Variants in RIPK1 observed in about 807,000 individuals in gnomAD.
The protein encoded by RIPK1 is receptor interacting serine/threonine kinase 1.
RIPK1 carries 27 observed loss-of-function variants against 62.4 expected under a neutral mutation model. That is an observed-to-expected ratio of 0.43 (90% CI 0.32 to 0.60). The LOEUF is 0.60. Among genes scored for constraint, RIPK1 ranks in the 20% least tolerant of loss-of-function variants. The pLI, the probability that RIPK1 is intolerant of heterozygous loss-of-function variation, is 0.07. For synonymous variants in RIPK1, 287 were observed against 303.2 expected (o/e 0.95, Z 0.55); for missense variants, 735 against 831.0 (o/e 0.88, Z 1.42).
Position 3,110,811 on chromosome 6 carries a change from A to G in RIPK1, c.1585A>G (p.Ile529Val), listed in dbSNP as rs374613351. 1.3e-5 allele frequency: 21 copies of G among 1,572,162 alleles called. No homozygotes were observed. The highest frequency in any genetic ancestry group is 1.8e-5 in the Non-Finnish European group (21 of 1,147,542). Residue 529 changes from isoleucine (I) to valine (V), a missense_variant, in exon 10 of 11, where the codon ATA becomes GTA. Ile to Val is a conservative substitution (Grantham distance 29). This residue lies in a region of RIPK1 where 671 missense variants were observed against 726.2 expected (regional missense o/e 0.92). Transcript: ENST00000259808. ...TGTTTCTCTCTATGCAGATGAATCT[A>G]TAAAATATACCATATACAATAGTAC... ...FSSLPPTDES[I>V]KYTIYNSTGI...
chr6:3,076,777 C>CGG lies in RIPK1; in HGVS notation c.-40_-39dup. On this transcript the variant is annotated 5_prime_UTR_variant, in exon 2 of 11. Coordinates refer to ENST00000259808, the MANE Select transcript of RIPK1 (RefSeq NM_001354930.2). ...TTTTCTTTACAGGGTACAGCTCTGC[C>CGG]GGGGGGGGAAAAAGTGGTACCATTT... 1 of 1,579,858 alleles carries CGG rather than the reference C, an allele frequency of 6.3e-7. No homozygotes were observed. The highest frequency in any genetic ancestry group is 8.6e-7 in the Non-Finnish European group (1 of 1,161,514).
chr6:3,108,973 C>T (rs1761011813), intron 9 of RIPK1, among the ~76,000 whole-genome samples: 1 of 152,162 alleles, frequency 6.6e-6, no homozygotes, highest in Non-Finnish European at 1.5e-5. Flanking sequence ...TCATTTCCCT[C>T]CCTCCTCAGA....
At chr6:3,103,079 G>A (rs1056835140) in intron 7 of RIPK1, among the ~76,000 whole-genome samples, 4 of 152,034 alleles carry the variant, frequency 2.6e-5, no homozygotes, top group African/African-American at 9.7e-5. Context: ...GTTTTGACTT[G>A]CATTTCCCTA....
intron 4 of RIPK1, among the ~76,000 whole-genome samples, chr6:3,082,193 CAG>C (rs1759426739): frequency 6.6e-6 from 1 of 152,178 alleles, no homozygotes; most frequent in South Asian, 2.1e-4. Context: ...GCTGCTGACA[CAG>C]GGGCCTCTCA....
In RIPK1 at chr6:3,105,249, G is replaced by A. The variant is rs1230011538; in HGVS notation, c.1007-233G>A. 2.6e-5 allele frequency among the ~76,000 whole-genome samples: 4 copies of A among 152,046 alleles called. No individual in the cohort carries two copies. The highest frequency in any genetic ancestry group is 2.1e-4 in the South Asian group (1 of 4,834). On this transcript the variant is annotated intron_variant, in intron 8 of 10. Transcript: ENST00000259808. The surrounding 1 kb of genome is among the most constrained non-coding windows in gnomAD (Gnocchi z 4.5). ...TTCCTTGATCATCCCTGCAACAGCC[G>A]CTTTTCTCTTGCTTGCTATAATTTT...
chr6:3,112,346 G>A (rs1761206124), intron 10 of RIPK1, among the ~76,000 whole-genome samples: 1 of 152,142 alleles, frequency 6.6e-6, no homozygotes, highest in African/African-American at 2.4e-5. Context: ...AGATGTAAGC[G>A]GAGAATGTCT....
chr6:3,083,164 A>C lies in RIPK1; in HGVS notation c.539A>C (p.Asp180Ala). ...NEEHNELREV[D>A]GTAKKNGGTL... The stretch of plus-strand genomic sequence containing the variant: ...GAGCACAATGAGCTGAGGGAAGTGG[A>C]CGGCACCGCTAAGAAGAATGGCGGC... Residue 180 changes from aspartate (D) to alanine (A), a missense_variant, in exon 5 of 11, where the codon GAC (aspartate) becomes GCC (alanine). By Grantham distance (126) the Asp-to-Ala change is moderately radical. Around this residue, in one of 2 missense-constraint regions of RIPK1, gnomAD observed 671 missense variants for 726.2 expected, o/e 0.92. Coordinates refer to ENST00000259808, the MANE Select transcript of RIPK1 (RefSeq NM_001354930.2). 2 of 1,614,038 alleles carry C rather than the reference A, an allele frequency of 1.2e-6. No homozygotes were observed. Among genetic ancestry groups the C allele is most frequent in the Non-Finnish European group, 1.7e-6 (2 of 1,179,976 alleles).
rs1761325812 is a variant in RIPK1, at chr6:3,114,732, T to TA, written c.*1395dup. On this transcript the variant is annotated 3_prime_UTR_variant, in exon 11 of 11. Transcript: ENST00000259808. This position sits in a 1 kb window ranked among gnomAD's most constrained non-coding sequence, Gnocchi z 5.0. ...GCCACTGTCGGCATCTCGGCCTGGG[T>TA]AATTCTGTTGTGGGGACTGTCCTGT... 1 of 152,152 alleles carries TA rather than the reference T, an allele frequency of 6.6e-6. No homozygotes were observed. The highest frequency in any genetic ancestry group is 6.5e-5 in the Admixed American group (1 of 15,284). The allele number at this position is 152,152 out of a possible 1,614,324, so 9.4% of individuals were successfully genotyped here.
intron 3 of RIPK1, among the ~76,000 whole-genome samples, chr6:3,079,148 C>T (rs775827195): frequency 5.3e-5 from 8 of 151,932 alleles, no homozygotes; most frequent in Admixed American, 2.0e-4. Flanking sequence ...GGTGCAATCT[C>T]GGCTCACTGC....
upstream of RIPK1, chr6:3,068,133 T>C (rs533211480): frequency 2.8e-4 from 239 of 867,016 alleles, 2 homozygotes; most frequent in South Asian, 8.8e-3. Context: ...ATTACCATTT[T>C]AAAGGGCTGC....
chr6:3,094,592 T>TATATATAA (rs1370131650), intron 7 of RIPK1, among the ~76,000 whole-genome samples: 1 of 149,392 alleles, frequency 6.7e-6, no homozygotes, highest in African/African-American at 2.5e-5. Flanking sequence ...TATATATATA[T>TATATATAA]ATATATATGA....
At chr6:3,089,104 G>A (rs1169954549) in intron 6 of RIPK1, among the ~76,000 whole-genome samples, 1 of 152,154 alleles carries the variant, frequency 6.6e-6, no homozygotes, top group Non-Finnish European at 1.5e-5. Flanking sequence ...GTACTTAGAA[G>A]GAAGATTAAG....
rs577120985 is a variant in RIPK1 at position 3,102,611 on chromosome 6, G to T, written c.916-1614G>T. Among the ~76,000 whole-genome samples the T allele has an allele frequency of 5.3e-3, 795 of 149,350 alleles. 7 individuals are homozygous for T. Among genetic ancestry groups the T allele is most frequent in the African/African-American group, 0.02 (778 of 38,742 alleles). On this transcript the variant is annotated intron_variant, in intron 7 of 10. Transcript: ENST00000259808. ...ATGGTAATTCTATGTATAACTTTTT[G>T]TTTTTCTGAGACAGAGTCTCCCTCT...
chr6:3,076,553 C>T (rs1759057518), intron 1 of RIPK1, among the ~76,000 whole-genome samples: 1 of 151,260 alleles, frequency 6.6e-6, no homozygotes, highest in South Asian at 2.1e-4. Flanking sequence ...GTGGGGTGCA[C>T]CTGTGGTCCC....
At chr6:3,085,639 T>C (rs543849233) in intron 6 of RIPK1, among the ~76,000 whole-genome samples, 93 of 152,382 alleles carry the variant, frequency 6.1e-4, no homozygotes, top group African/African-American at 2.1e-3. Flanking sequence ...AATTAACTTT[T>C]TAACTTGGGT....
upstream of RIPK1, among the ~76,000 whole-genome samples, chr6:3,064,684 G>A (rs1758299045): frequency 6.6e-6 from 1 of 152,136 alleles, no homozygotes; most frequent in African/African-American, 2.4e-5. Flanking sequence ...ACCTCCTCTA[G>A]GGTGGGAATC....
upstream of RIPK1, among the ~76,000 whole-genome samples, chr6:3,064,333 C>A (rs189603206): frequency 7.5e-4 from 114 of 152,356 alleles, 2 homozygotes; most frequent in African/African-American, 2.6e-3. Context: ...CCCTCCCCTG[C>A]AGCCTCCTCC....
At position 3,085,428 on chromosome 6, in the gene RIPK1, CTG is replaced by C; in HGVS notation, c.838+24_838+25del. On this transcript the variant is annotated intron_variant, in intron 6 of 10. Coordinates refer to ENST00000259808, the MANE Select transcript of RIPK1 (RefSeq NM_001354930.2). ...TTCCTGGTAAGAGCATCTTTTCTGA[CTG>C]TGTAGGATGCATCCTGTGTGGTGAT... 1 of 1,613,806 alleles carries C rather than the reference CTG, an allele frequency of 6.2e-7. No homozygotes were observed. Among genetic ancestry groups the C allele is most frequent in the Non-Finnish European group, 8.5e-7 (1 of 1,179,752 alleles).
chr6:3,068,727 C>T (rs1331363717), intron 1 of RIPK1, 66 bp downstream of exon 1: 2 of 951,762 alleles, frequency 2.1e-6, no homozygotes, highest in South Asian at 4.8e-5. Context: ...GGTGACCCCC[C>T]TGGTCGGGGT....
Sources: allele counts gnomAD v4.1 joint callset (sites outside exome capture counted in the v4.1 genomes callset), GRCh38; gene constraint gnomAD v4.1.1; regional missense constraint gnomAD v4.1.1; non-coding constraint Gnocchi (gnomAD v3.1); transcripts MANE v1.5; gene names NCBI Gene and HGNC (gene_info 2026-07-23, HGNC 2026-07-21).